The following DAPK1 variants were observed in gnomAD, a reference collection of about 807,000 sequenced individuals.
DAPK1 encodes the protein death-associated protein kinase 1.
DAPK1 carries 56 observed loss-of-function variants against 144.9 expected under a neutral mutation model. The ratio of observed to expected loss-of-function variants is 0.39; its 90% CI spans 0.31 to 0.48. The LOEUF is 0.48. Among genes scored for constraint, DAPK1 ranks in the 20% least tolerant of loss-of-function variants. The pLI, the probability that DAPK1 is intolerant of heterozygous loss-of-function variation, is 0.95. For synonymous variants in DAPK1, 690 were observed against 749.0 expected, an observed-to-expected ratio of 0.92 and a Z score of 1.29; for missense variants, 1,454 against 1,875.4, an observed-to-expected ratio of 0.78 and a Z score of 4.15.
intron 2 of DAPK1, among the ~76,000 whole-genome samples, chr9:87,556,368 G>T (rs1050978404): frequency 1.8e-4 from 27 of 152,356 alleles, no homozygotes; most frequent in African/African-American, 5.0e-4. Flanking sequence ...CACAGAGCTG[G>T]GGAGGGTGCC....
At chr9:87,594,138 A>G (rs1014273497) in intron 2 of DAPK1, among the ~76,000 whole-genome samples, 12 of 152,160 alleles carry the variant, frequency 7.9e-5, no homozygotes, top group Non-Finnish European at 1.3e-4. Flanking sequence ...AGGGTTTACT[A>G]TATTTGGAGA....
intron 25 of DAPK1, among the ~76,000 whole-genome samples, chr9:87,704,018 GGT>G (rs1263454903): frequency 6.6e-6 from 1 of 152,188 alleles, no homozygotes; most frequent in African/African-American, 2.4e-5. Flanking sequence ...TCAGGTGCCA[GGT>G]CTGGCCCTAT....
intron 2 of DAPK1, among the ~76,000 whole-genome samples, chr9:87,579,879 T>A (rs1370173126): frequency 6.6e-6 from 1 of 152,188 alleles, no homozygotes; most frequent in African/African-American, 2.4e-5. Context: ...AGTAGTATTA[T>A]CCAACCTACT....
chr9:87,663,965 T>C (rs7854378), intron 18 of DAPK1, among the ~76,000 whole-genome samples: 17,299 of 151,780 alleles, frequency 0.11, 1,224 homozygotes, highest in East Asian at 0.21. Flanking sequence ...AGCACCCGCC[T>C]CTCCAGCCCC....
In DAPK1 at chr9:87,604,992, G is replaced by A. The variant is rs991380905; in HGVS notation, c.101G>A (p.Ser34Asn). ...GTTGTGAAGAAATGCCGTGAGAAAAGCACCGGCCTCCAGTATGCCGCCAAA... is the reference window on the plus strand; with the variant it reads ...GTTGTGAAGAAATGCCGTGAGAAAAACACCGGCCTCCAGTATGCCGCCAAA... ...FAVVKKCREK[S>N]TGLQYAAKFI... is the part of the protein sequence containing the mutation. Residue 34 changes from serine to asparagine, a missense_variant, in exon 3 of 26, where the codon AGC becomes AAC. Ser to Asn is a conservative substitution (Grantham distance 46). Coordinates refer to ENST00000408954, the MANE Select transcript of DAPK1 (RefSeq NM_004938.4). 6.2e-7 allele frequency: 1 copy of A among 1,614,120 alleles called. No homozygotes were observed. Among genetic ancestry groups the A allele is most frequent in the East Asian group, 2.2e-5 (1 of 44,878 alleles).
chr9:87,697,298 C>A, intron 22 of DAPK1, 94 bp downstream of exon 22: 1 of 697,274 alleles, frequency 1.4e-6, no homozygotes. Flanking sequence ...CCTGCCACTG[C>A]TGCTGCTGGC....
chr9:87,634,279 A>G (rs1373442412), intron 3 of DAPK1, among the ~76,000 whole-genome samples: 1 of 152,134 alleles, frequency 6.6e-6, no homozygotes, highest in Non-Finnish European at 1.5e-5. Flanking sequence ...TCCCTCATTG[A>G]TCAGTTGCTG....
At position 87,648,763 on chromosome 9, in the gene DAPK1, G is replaced by A. The variant is rs1439090632; in HGVS notation, c.1330-18G>A. Reference sequence around the variant, plus strand: ...TCACAGATGTGGCTCTGAATCACCGGCTCCTTTTCTTCTGCAGTCTGGAGA... The same window carrying A: ...TCACAGATGTGGCTCTGAATCACCGACTCCTTTTCTTCTGCAGTCTGGAGA... On this transcript the variant is annotated intron_variant, in intron 14 of 25. Transcript: ENST00000408954. 2 of 1,607,946 alleles carry A rather than the reference G, an allele frequency of 1.2e-6. No homozygotes were observed. The highest frequency in any genetic ancestry group is 1.7e-6 in the Non-Finnish European group (2 of 1,174,288).
rs73483586 is a variant in DAPK1 at position 87,683,959 on chromosome 9, T to C, written c.2224+2333T>C. Among the ~76,000 whole-genome samples, 892 of 152,266 alleles carry C rather than the reference T, an allele frequency of 5.9e-3. 12 individuals are homozygous for C. The highest frequency in any genetic ancestry group is 0.02 in the African/African-American group (847 of 41,558). ...GGAAGTGTGCGCTGGTGGTTGCCCC[T>C]GAAGCCTGGTGGCTGAGGGATCCCT... is the stretch of plus-strand genomic sequence containing the variant. On this transcript the variant is annotated intron_variant, in intron 20 of 25. Coordinates refer to ENST00000408954, the MANE Select transcript of DAPK1 (RefSeq NM_004938.4).
chr9:87,566,386 A>G (rs1197867696), intron 2 of DAPK1, among the ~76,000 whole-genome samples: 1 of 152,126 alleles, frequency 6.6e-6, no homozygotes, highest in African/African-American at 2.4e-5. Flanking sequence ...TTGGTAGTCA[A>G]CTATTAAGCC....
chr9:87,696,214 T>C (rs908760974), intron 21 of DAPK1, among the ~76,000 whole-genome samples: 2 of 152,032 alleles, frequency 1.3e-5, no homozygotes, highest in African/African-American at 4.8e-5. Context: ...CATGCACATA[T>C]ATGTGTACAT....
chr9:87,560,435 C>A (rs1488882853), intron 2 of DAPK1, among the ~76,000 whole-genome samples: 1 of 152,124 alleles, frequency 6.6e-6, no homozygotes, highest in Non-Finnish European at 1.5e-5. Flanking sequence ...CGTGACACTT[C>A]CCCAGAACTT....
chr9:87,605,069 G>C lies in DAPK1; in HGVS notation c.178G>C (p.Asp60His). The part of the protein sequence containing the change: ...KSSRRGVSRE[D>H]IEREVSILKE... ...CAGCCGGCGGGGTGTGAGCCGCGAGGACATCGAGCGGGAGGTCAGCATCCT... is the reference window on the plus strand; with the variant it reads ...CAGCCGGCGGGGTGTGAGCCGCGAGCACATCGAGCGGGAGGTCAGCATCCT... The change falls in exon 3 of 26, where the codon GAC becomes CAC. Residue 60 changes from aspartate to histidine, a missense_variant. Physicochemically the swap from Asp to His is moderately conservative, Grantham distance 81. Transcript: ENST00000408954. 6.2e-7 allele frequency: 1 copy of C among 1,614,210 alleles called. No individual in the cohort carries two copies. Among genetic ancestry groups the C allele is most frequent in the Non-Finnish European group, 8.5e-7 (1 of 1,180,034 alleles).
At chr9:87,606,200 C>G (rs1828709292) in intron 3 of DAPK1, among the ~76,000 whole-genome samples, 1 of 152,148 alleles carries the variant, frequency 6.6e-6, no homozygotes, top group African/African-American at 2.4e-5. Flanking sequence ...GCAGAGCTGC[C>G]AGGCCAGCTC....
intron 2 of DAPK1, among the ~76,000 whole-genome samples, chr9:87,510,488 T>C (rs1431118208): frequency 6.6e-6 from 1 of 152,222 alleles, no homozygotes; most frequent in African/African-American, 2.4e-5. Flanking sequence ...TGTCCTAGGC[T>C]ACTCCTCCAG....
intron 2 of DAPK1, chr9:87,525,507 T>C (rs1449475615): frequency 7.9e-7 from 1 of 1,258,916 alleles, no homozygotes; most frequent in African/African-American, 1.5e-5. Context: ...ATCCAAGGCA[T>C]ATACTCAATG....
At chr9:87,567,616 C>G (rs1302549020) in intron 2 of DAPK1, among the ~76,000 whole-genome samples, 1 of 152,128 alleles carries the variant, frequency 6.6e-6, no homozygotes, top group African/African-American at 2.4e-5. Flanking sequence ...ATTCAAGAAC[C>G]TATAGCCTCT....
chr9:87,630,018 A>G (rs1246344250), intron 3 of DAPK1, among the ~76,000 whole-genome samples: 1 of 152,154 alleles, frequency 6.6e-6, no homozygotes, highest in East Asian at 1.9e-4. Context: ...ACGCAGAGAC[A>G]TGAGACTACA....
At position 87,706,929 on chromosome 9, in the gene DAPK1, G is replaced by A; in HGVS notation, c.3858G>A (p.Gly1286=). The part of the protein sequence containing the change: ...KESFSSIMCF[G]CHDVYSQASL... ...GCTTCAGCAGCATCATGTGCTTCGG[G>A]TGTCACGACGTCTACTCACAGGCCA... Residue 1286 remains glycine, a synonymous_variant, in exon 26 of 26, where the codon GGG becomes GGA. Coordinates refer to ENST00000408954, the MANE Select transcript of DAPK1 (RefSeq NM_004938.4). This position sits in a 1 kb window ranked among gnomAD's most constrained non-coding sequence, Gnocchi z 9.0. 1 of 1,613,708 alleles carries A rather than the reference G, an allele frequency of 6.2e-7. No individual in the cohort carries two copies. Among genetic ancestry groups the A allele is most frequent in the Non-Finnish European group, 8.5e-7 (1 of 1,179,906 alleles).
Sources: allele counts gnomAD v4.1 joint callset (sites outside exome capture counted in the v4.1 genomes callset), GRCh38; gene constraint gnomAD v4.1.1; non-coding constraint Gnocchi (gnomAD v3.1); transcripts MANE v1.5; gene names NCBI Gene and HGNC (gene_info 2026-07-23, HGNC 2026-07-21).